The following ITIH1 variants were observed in gnomAD, a reference collection of about 807,000 sequenced individuals.
The protein encoded by ITIH1 is inter-alpha-trypsin inhibitor heavy chain H1.
A neutral mutation model predicts 104.6 loss-of-function variants in ITIH1; 94 were observed. The ratio of observed to expected loss-of-function variants is 0.90; its 90% CI spans 0.76 to 1.07. The LOEUF (loss-of-function observed/expected upper bound fraction) is 1.07. ITIH1 is among the 50% of genes least tolerant of loss of function. ITIH1 has a pLI of 0.00. For missense variants in ITIH1, 1,193 were observed against 1,181.4 expected, an observed-to-expected ratio of 1.01 and a Z score of -0.14; for synonymous variants, 455 against 464.4, an observed-to-expected ratio of 0.98 and a Z score of 0.26.
chr3:52,790,793 T>G lies in ITIH1; in HGVS notation c.2366T>G (p.Val789Gly). The change falls in exon 20 of 22, where the codon GTG becomes GGG. Residue 789 changes from valine (V) to glycine (G), a missense_variant. Coordinates refer to ENST00000273283, the MANE Select transcript of ITIH1 (RefSeq NM_002215.4). The stretch of plus-strand genomic sequence containing the variant: ...AAGAAGAGGAACCTGGTGGTGTCTG[T>G]GGACGACGGTGGCACCTTTGAGGTT... The part of the protein sequence containing the change: ...INKKRNLVVS[V>G]DDGGTFEVVL... The G allele has an allele frequency of 6.2e-7, 1 of 1,613,092 alleles. No individual in the cohort carries two copies. The highest frequency in any genetic ancestry group is 2.2e-5 in the East Asian group (1 of 44,792).
At chr3:52,778,165 C>T in intron 2 of ITIH1, 148 bp downstream of exon 2, 1 of 1,127,542 alleles carries the variant, frequency 8.9e-7, no homozygotes, top group Non-Finnish European at 1.3e-6. Context: ...GTTCCCATCT[C>T]ACCTCATATC....
chr3:52,779,296 T>G lies in ITIH1; in HGVS notation c.411-136T>G. 1.0e-6 allele frequency: 1 copy of G among 989,484 alleles called. No homozygotes were observed. The highest frequency in any genetic ancestry group is 1.5e-6 in the Non-Finnish European group (1 of 648,910). 61.3% of individuals were successfully genotyped at this position (989,484 alleles called of 1,614,324 possible). ...TGACCCTGACCAGCCAGCTAACACA[T>G]TTGTGAGGTCCAGGGAAACCTGGGA... On this transcript the variant is annotated intron_variant, in intron 4 of 21. Coordinates refer to ENST00000273283, the MANE Select transcript of ITIH1 (RefSeq NM_002215.4). This position sits in a 1 kb window ranked among gnomAD's most constrained non-coding sequence, Gnocchi z 4.4.
Position 52,788,021 on chromosome 3 carries a change from C to A in ITIH1, c.1960C>A (p.His654Asn). The change falls in exon 17 of 22, where the codon CAT (histidine) becomes AAT (asparagine). Residue 654 changes from histidine (H) to asparagine (N), a missense_variant. By Grantham distance (68) the His-to-Asn change is moderately conservative. Transcript: ENST00000273283. ...GTCAGCCTTGCAGCCTTCTCCTACT[C>A]ATTCCAGCTCCAATACCCAGCGGCT... ...VLSALQPSPT[H>N]SSSNTQRLPD... 1 of 1,613,348 alleles carries A rather than the reference C, an allele frequency of 6.2e-7. No homozygotes were observed. Among genetic ancestry groups the A allele is most frequent in the Non-Finnish European group, 8.5e-7 (1 of 1,179,644 alleles).
rs1699366839 is a variant in ITIH1, at chr3:52,791,815, G to T, written c.2640G>T (p.Trp880Cys). The T allele has an allele frequency of 6.2e-7, 1 of 1,614,142 alleles. No homozygotes were observed. Among genetic ancestry groups the T allele is most frequent in the East Asian group, 2.2e-5 (1 of 44,884 alleles). The change falls in exon 22 of 22, where the codon TGG becomes TGT. Residue 880 changes from tryptophan (W) to cysteine (C), a missense_variant. Physicochemically the swap from Trp to Cys is radical, Grantham distance 215. Coordinates refer to ENST00000273283, the MANE Select transcript of ITIH1 (RefSeq NM_002215.4). ...GLQKDYSKDPWHGAEVSCWFI... is the reference protein window; with the variant it reads ...GLQKDYSKDPCHGAEVSCWFI... ...AAAAAGACTACAGCAAGGACCCGTG[G>T]CATGGGGCCGAGGTGTCCTGCTGGT...
chr3:52,781,194 CTT>C (rs1328950431), intron 6 of ITIH1, among the ~76,000 whole-genome samples: 10 of 93,384 alleles, frequency 1.1e-4, no homozygotes, highest in African/African-American at 4.8e-4. Flanking sequence ...ACCTCCTCCT[CTT>C]CTTTTTTTTT....
intron 16 of ITIH1, 56 bp downstream of exon 16, chr3:52,787,668 C>T (rs1355469327): frequency 1.3e-6 from 2 of 1,581,924 alleles, no homozygotes; most frequent in East Asian, 2.2e-5. Context: ...ATGATCACCC[C>T]GTTGGCTTTC....
At chr3:52,780,008 T>G in intron 5 of ITIH1, 1 of 1,376,888 alleles carries the variant, frequency 7.3e-7, no homozygotes. Flanking sequence ...GAGTGCCTAC[T>G]GAGTACCAGG....
At chr3:52,791,460 G>A (rs892067320) in intron 20 of ITIH1, 57 bp from the exon 21 acceptor site, 10 of 1,420,370 alleles carry the variant, frequency 7.0e-6, no homozygotes, top group South Asian at 2.3e-5. Context: ...CCTGCTGAGT[G>A]CAGGGCAGGA....
In ITIH1 at chr3:52,783,296, T is replaced by A. The variant is rs765842758; in HGVS notation, c.1182T>A (p.His394Gln). The A allele has an allele frequency of 2.9e-5, 47 of 1,614,098 alleles. No homozygotes were observed. Among genetic ancestry groups the A allele is most frequent in the Non-Finnish European group, 4.0e-5 (47 of 1,180,004 alleles). Reference sequence around the variant, plus strand: ...AAAGCCTCCCAGAACTCAGCAACCATGCCTCAATACTCATCATGTTGACAG... The same window carrying A: ...AAAGCCTCCCAGAACTCAGCAACCAAGCCTCAATACTCATCATGTTGACAG... The part of the protein sequence containing the change: ...VQESLPELSN[H>Q]ASILIMLTDG... The change falls in exon 10 of 22, where the codon CAT becomes CAA. Residue 394 changes from histidine (H) to glutamine (Q), a missense_variant. Transcript: ENST00000273283.
chr3:52,788,097 CCT>C (rs1458236781), intron 17 of ITIH1, 31 bp downstream of exon 17: 1 of 1,569,588 alleles, frequency 6.4e-7, no homozygotes, highest in South Asian at 1.2e-5. Context: ...GAGGGACACC[CCT>C]GTTTGGGACC....
intron 19 of ITIH1, 176 bp downstream of exon 19, chr3:52,790,030 A>G: frequency 3.1e-6 from 2 of 648,390 alleles, no homozygotes; most frequent in South Asian, 3.8e-5. Flanking sequence ...TGGTTACTGG[A>G]TATGTCCTCT....
intron 18 of ITIH1, among the ~76,000 whole-genome samples, chr3:52,788,892 C>T (rs920504971): frequency 1.3e-5 from 2 of 152,284 alleles, no homozygotes; most frequent in South Asian, 2.1e-4. Flanking sequence ...CGCCTTGAAA[C>T]CCTTAACACT....
chr3:52,781,262 CTTCTTCTTCTTCTTCTTCTTCT>C (rs1699045182), intron 6 of ITIH1, among the ~76,000 whole-genome samples: 1 of 130,596 alleles, frequency 7.7e-6, no homozygotes, highest in Non-Finnish European at 1.6e-5. Flanking sequence ...TCTTCTTCTT[CTTCTTCTTCTTCTTCTTCTTCT>C]TCCTCTTCTT....
chr3:52,778,746 C>G, intron 3 of ITIH1, 196 bp from the exon 4 acceptor site: 1 of 1,326,438 alleles, frequency 7.5e-7, no homozygotes, highest in Non-Finnish European at 1.0e-6. Flanking sequence ...GGAGCCAAGG[C>G]CAGAGTCTGA....
chr3:52,788,266 C>G lies in ITIH1; in HGVS notation c.2040C>G (p.Pro680=). 6.2e-7 allele frequency: 1 copy of G among 1,612,180 alleles called. No individual in the cohort carries two copies. The highest frequency in any genetic ancestry group is 8.5e-7 in the Non-Finnish European group (1 of 1,179,230). The part of the protein sequence containing the change: ...DTDPHFIIHV[P]QKEDTLCFNI... ...ACCCTCACTTCATCATCCACGTGCC[C>G]CAGAAAGAGGACACCCTGTGCTTCA... Residue 680 remains proline (P), a synonymous_variant, in exon 18 of 22, where the codon CCC becomes CCG. Transcript: ENST00000273283.
chr3:52,782,843 C>T (rs1487755082), intron 8 of ITIH1, 114 bp from the exon 9 acceptor site: 1 of 1,046,246 alleles, frequency 9.6e-7, no homozygotes, highest in Admixed American at 2.2e-5. Flanking sequence ...GTTGTCCTAT[C>T]TCCTCCTGCT....
Position 52,778,511 on chromosome 3 carries a change from G to A in ITIH1, c.305+5G>A, listed in dbSNP as rs377154330. On this transcript the variant is annotated splice_donor_5th_base_variant and intron_variant, in intron 3 of 21. Transcript: ENST00000273283. Reference sequence around the variant, plus strand: ...ATTCATCAGTGACTTTGCCGTGTGCGTGCCTGCCCAACTCCCATGCCTTCT... The same window carrying A: ...ATTCATCAGTGACTTTGCCGTGTGCATGCCTGCCCAACTCCCATGCCTTCT... The A allele has an allele frequency of 3.7e-5, 59 of 1,613,964 alleles. No individual in the cohort carries two copies. The highest frequency in any genetic ancestry group is 2.3e-5 in the Non-Finnish European group (27 of 1,179,964).
At chr3:52,790,706 G>A in intron 19 of ITIH1, 43 bp from the exon 20 acceptor site, 1 of 1,590,374 alleles carries the variant, frequency 6.3e-7, no homozygotes, top group Non-Finnish European at 8.6e-7. Context: ...GGAGAGGGAT[G>A]CAGTGCAGCC....
Position 52,791,998 on chromosome 3 carries a change from C to A in ITIH1, c.*87C>A, listed in dbSNP as rs1559467600. ...TGACCTGCTGCTGAGGCTGTACCTC[C>A]TTGACTAAGCTGGTTCCTTGTGTCA... On this transcript the variant is annotated 3_prime_UTR_variant, in exon 22 of 22. Transcript: ENST00000273283. 1 of 1,415,960 alleles carries A rather than the reference C, an allele frequency of 7.1e-7. No homozygotes were observed. The allele number at this position is 1,415,960 out of a possible 1,614,324, so 87.7% of individuals were successfully genotyped here.
Sources: allele counts gnomAD v4.1 joint callset (sites outside exome capture counted in the v4.1 genomes callset), GRCh38; gene constraint gnomAD v4.1.1; non-coding constraint Gnocchi (gnomAD v3.1); transcripts MANE v1.5; gene names NCBI Gene and HGNC (gene_info 2026-07-23, HGNC 2026-07-21).